STEAP4: variants seen among roughly 807,000 people sequenced by gnomAD.
STEAP4 encodes the protein metalloreductase STEAP4.
A neutral mutation model predicts 43.6 loss-of-function variants in STEAP4; 36 were observed. The observed-to-expected ratio is 0.83, with a 90% CI of 0.63 to 1.09. STEAP4 has a LOEUF of 1.09. Among genes scored for constraint, STEAP4 ranks in the 50% least tolerant of loss-of-function variants. The pLI, the probability that STEAP4 is intolerant of heterozygous loss-of-function variation, is 0.00. For missense variants in STEAP4, 495 were observed against 546.5 expected, an observed-to-expected ratio of 0.91 and a Z score of 0.94; for synonymous variants, 191 against 196.7, an observed-to-expected ratio of 0.97 and a Z score of 0.24.
chr7:88,294,026 T>G (rs1232277185), intron 1 of STEAP4, among the ~76,000 whole-genome samples: 1 of 152,156 alleles, frequency 6.6e-6, no homozygotes, highest in African/African-American at 2.4e-5. Context: ...AAAACTTCAA[T>G]GCAAAGCAGT....
In STEAP4 at chr7:88,279,557, G is replaced by A. The variant is rs368428328; in HGVS notation, c.1221C>T (p.Leu407=). ...GATACCATCTGAGATTTGAAGGGCT[G>A]AGGAATCTCTTCCCACCGTACACCA... ...HTLVYGGKRF[L]SPSNLRWYLP... Residue 407 remains leucine (L), a synonymous_variant, in exon 5 of 5, where the codon CTC becomes CTT. Coordinates refer to ENST00000380079, the MANE Select transcript of STEAP4 (RefSeq NM_024636.4). The A allele has an allele frequency of 6.2e-7, 1 of 1,613,928 alleles. No homozygotes were observed. The highest frequency in any genetic ancestry group is 1.3e-5 in the African/African-American group (1 of 74,902).
rs1852517289 is a variant in STEAP4, at chr7:88,276,635, T to G, written c.*2763A>C. 6.5e-6 allele frequency: 1 copy of G among 152,776 alleles called. No individual in the cohort carries two copies. Among genetic ancestry groups the G allele is most frequent in the African/African-American group, 2.4e-5 (1 of 41,454 alleles). 9.5% of individuals were successfully genotyped at this position (152,776 alleles called of 1,614,324 possible). ...AAGGAATACAGTTCGCCCAAAGCAC[T>G]TATTTTCATCTGTTGTAAACTCATT... On this transcript the variant is annotated 3_prime_UTR_variant, in exon 5 of 5. Transcript: ENST00000380079.
In STEAP4 at chr7:88,279,407, T is replaced by G. The variant is rs1282772199; in HGVS notation, c.1371A>C (p.Ser457=). The change falls in exon 5 of 5, where the codon TCA becomes TCC. Residue 457 remains serine, a synonymous_variant. Coordinates refer to ENST00000380079, the MANE Select transcript of STEAP4 (RefSeq NM_024636.4). ...TRIRQGWERN[S]KH is the part of the protein sequence containing the mutation. ...CCATTCAATGCTTTTTCTAGTGTTT[T>G]GAGTTCCTTTCCCAGCCCTGGCGGA... 1 of 1,613,792 alleles carries G rather than the reference T, an allele frequency of 6.2e-7. No homozygotes were observed. Among genetic ancestry groups the G allele is most frequent in the Admixed American group, 1.7e-5 (1 of 59,960 alleles).
chr7:88,271,427 C>G lies in STEAP4; in HGVS notation c.*7971G>C, dbSNP rs1315971661. ...TCATACTATATATGTTATTTTGTAC[C>G]TTTTTAAAAACTGAACAGTATATTT... is the stretch of plus-strand genomic sequence containing the variant. On this transcript the variant is annotated 3_prime_UTR_variant, in exon 5 of 5. Coordinates refer to ENST00000380079, the MANE Select transcript of STEAP4 (RefSeq NM_024636.4). 2 of 152,096 alleles carry G rather than the reference C, an allele frequency of 1.3e-5. No homozygotes were observed. Among genetic ancestry groups the G allele is most frequent in the African/African-American group, 2.4e-5 (1 of 41,418 alleles). The allele number at this position is 152,096 out of a possible 1,614,324, so 9.4% of individuals were successfully genotyped here.
intron 1 of STEAP4, among the ~76,000 whole-genome samples, chr7:88,294,681 TAAATGG>T (rs1852897143): frequency 6.6e-6 from 1 of 152,150 alleles, no homozygotes; most frequent in African/African-American, 2.4e-5. Flanking sequence ...ATATCTCTTC[TAAATGG>T]TGGTACTTTC....
At chr7:88,302,197 C>T (rs1015767880) in intron 1 of STEAP4, among the ~76,000 whole-genome samples, 5 of 152,182 alleles carry the variant, frequency 3.3e-5, no homozygotes, top group African/African-American at 1.2e-4. Flanking sequence ...TAAGTATCTT[C>T]CAAAAATAAA....
rs146187466 is a variant in STEAP4 at position 88,302,739 on chromosome 7, A to C, written c.-3+4053T>G. On this transcript the variant is annotated intron_variant, in intron 1 of 4. Transcript: ENST00000380079. ...GAGGCCAAGACAGGCAGATCACTTGAGGTCAGGAGTTGAAGACCAGCCTGG... is the reference window on the plus strand; with the variant it reads ...GAGGCCAAGACAGGCAGATCACTTGCGGTCAGGAGTTGAAGACCAGCCTGG... Among the ~76,000 whole-genome samples, 680 of 151,984 alleles carry C rather than the reference A, an allele frequency of 4.5e-3. 4 individuals carry two copies. Among genetic ancestry groups the C allele is most frequent in the African/African-American group, 0.015 (638 of 41,416 alleles).
At chr7:88,293,505 G>A (rs910246840) in intron 1 of STEAP4, among the ~76,000 whole-genome samples, 1 of 151,584 alleles carries the variant, frequency 6.6e-6, no homozygotes, top group Non-Finnish European at 1.5e-5. Flanking sequence ...CATGGATTGC[G>A]CTTTCAGTAT....
intron 1 of STEAP4, among the ~76,000 whole-genome samples, chr7:88,293,432 C>T (rs192885749): frequency 6.6e-5 from 10 of 151,986 alleles, no homozygotes; most frequent in South Asian, 2.1e-4. Context: ...TTAACACATC[C>T]GAAGTCATAA....
At chr7:88,302,691 C>T (rs1013497328) in intron 1 of STEAP4, among the ~76,000 whole-genome samples, 1 of 151,830 alleles carries the variant, frequency 6.6e-6, no homozygotes, top group African/African-American at 2.4e-5. Context: ...CGGTCACTCA[C>T]GCCTGTAATC....
At chr7:88,295,996 G>A (rs1272317804) in intron 1 of STEAP4, among the ~76,000 whole-genome samples, 1 of 152,038 alleles carries the variant, frequency 6.6e-6, no homozygotes, top group Admixed American at 6.6e-5. Flanking sequence ...TGTTTTGAGT[G>A]TGCAGGCCTT....
intron 1 of STEAP4, among the ~76,000 whole-genome samples, chr7:88,304,826 C>T (rs912916435): frequency 2.0e-5 from 3 of 152,010 alleles, no homozygotes; most frequent in East Asian, 1.9e-4. Context: ...GAATCAGCTA[C>T]CCAGCCTTTA....
rs527458316 is a variant in STEAP4 at position 88,273,952 on chromosome 7, G to A, written c.*5446C>T. ...GGGCAATCAGGAATATTTAAAATGC[G>A]AATAAGCTTCTTGTCTTTAAAAATG... On this transcript the variant is annotated 3_prime_UTR_variant, in exon 5 of 5. Transcript: ENST00000380079. The A allele has an allele frequency of 3.6e-4, 55 of 152,296 alleles. No individual in the cohort carries two copies. The highest frequency in any genetic ancestry group is 1.3e-3 in the African/African-American group (54 of 41,566). The allele number at this position is 152,296 out of a possible 1,614,324, so 9.4% of individuals were successfully genotyped here. A position where few individuals can be genotyped will look rare whatever the true frequency, so the allele number is the denominator to read the frequency against.
rs1380451411 is a variant in STEAP4, at chr7:88,271,245, C to T, written c.*8153G>A. 2 of 152,114 alleles carry T rather than the reference C, an allele frequency of 1.3e-5. No homozygotes were observed. The highest frequency in any genetic ancestry group is 4.8e-5 in the African/African-American group (2 of 41,420). 9.4% of individuals were successfully genotyped at this position (152,114 alleles called of 1,614,324 possible). A position where few individuals can be genotyped will look rare whatever the true frequency, so the allele number is the denominator to read the frequency against. ...TATTTTAATAATTAGGTAACCTACT[C>T]ATGTAATTTAAAAACCAAAATGATA... On this transcript the variant is annotated 3_prime_UTR_variant, in exon 5 of 5. Transcript: ENST00000380079.
chr7:88,284,807 T>C (rs1852699321), intron 1 of STEAP4, among the ~76,000 whole-genome samples: 2 of 152,168 alleles, frequency 1.3e-5, no homozygotes, highest in African/African-American at 2.4e-5. Context: ...TATCTGTGTA[T>C]GTTAAAAGGA....
chr7:88,301,310 G>C (rs1586754791), intron 1 of STEAP4, among the ~76,000 whole-genome samples: 1 of 152,282 alleles, frequency 6.6e-6, no homozygotes, highest in African/African-American at 2.4e-5. Context: ...GTCTTGCTCT[G>C]TCACCCAGGC....
Position 88,305,810 on chromosome 7 carries a change from G to A in STEAP4, c.-3+982C>T, listed in dbSNP as rs563956108. 3.9e-5 allele frequency among the ~76,000 whole-genome samples: 6 copies of A among 152,262 alleles called. No homozygotes were observed. The South Asian group carries it at 1.2e-3, about 32-fold the overall frequency. On this transcript the variant is annotated intron_variant, in intron 1 of 4. Transcript: ENST00000380079. ...AGAGTTGAACTTTCTGGATCATCTG[G>A]CCCAGTAGCCAGCCTTTTATTTTAC...
At chr7:88,301,024 AC>A (rs1853024521) in intron 1 of STEAP4, among the ~76,000 whole-genome samples, 1 of 152,152 alleles carries the variant, frequency 6.6e-6, no homozygotes, top group South Asian at 2.1e-4. Context: ...AGATACAGGG[AC>A]CCATCTGTGT....
intron 1 of STEAP4, among the ~76,000 whole-genome samples, chr7:88,291,348 G>A (rs1049245395): frequency 6.6e-6 from 1 of 151,902 alleles, no homozygotes; most frequent in Admixed American, 6.6e-5. Flanking sequence ...TTAGCCAGGT[G>A]TGGTGGAACA....
Sources: allele counts gnomAD v4.1 joint callset (sites outside exome capture counted in the v4.1 genomes callset), GRCh38; gene constraint gnomAD v4.1.1; transcripts MANE v1.5; gene names NCBI Gene and HGNC (gene_info 2026-07-23, HGNC 2026-07-21).